The following IQSEC1 variants were observed in gnomAD, a reference collection of about 807,000 sequenced individuals.
IQSEC1 encodes IQ motif and SEC7 domain-containing protein 1.
In IQSEC1, 31 loss-of-function variants were observed where a neutral mutation model predicts 91.0. The ratio of observed to expected loss-of-function variants is 0.34; its 90% confidence interval spans 0.26 to 0.46. The LOEUF (loss-of-function observed/expected upper bound fraction) is 0.46. Ranked by LOEUF, IQSEC1 falls within the 20% of genes least tolerant of loss-of-function variation. The probability of loss-of-function intolerance (pLI) is 1.00; values close to 1 mark genes in which losing one functional copy is unlikely to be tolerated. For synonymous variants in IQSEC1, 699 were observed against 662.6 expected, an observed-to-expected ratio of 1.05 and a Z score of -0.84; for missense variants, 1,388 against 1,575.6, an observed-to-expected ratio of 0.88 and a Z score of 2.02.
At chr3:13,230,250 C>G (rs555630936) in intron 1 of IQSEC1, among the ~76,000 whole-genome samples, 2 of 152,118 alleles carry the variant, frequency 1.3e-5, no homozygotes, top group Non-Finnish European at 2.9e-5. Context: ...GATTAAGAAA[C>G]ATAAATAAGT....
rs1576286254 is a variant in IQSEC1 at position 13,183,378 on chromosome 3, C to T, written c.273-19245G>A. Among the ~76,000 whole-genome samples the T allele has an allele frequency of 2.0e-5, 3 of 146,936 alleles. No individual in the cohort carries two copies. The East Asian group carries it at 5.9e-4, about 29-fold the overall frequency. Reference sequence around the variant, plus strand: ...GGCCAAGAGTTTGAGACCAGCCTGGCAAAATGGTGAAACCCTATCTCCATT... The same window carrying T: ...GGCCAAGAGTTTGAGACCAGCCTGGTAAAATGGTGAAACCCTATCTCCATT... On this transcript the variant is annotated intron_variant, in intron 1 of 15. Coordinates refer to the IQSEC1 transcript ENST00000648114.
intron 1 of IQSEC1, among the ~76,000 whole-genome samples, chr3:13,263,401 A>G (rs901470243): frequency 1.0e-4 from 13 of 124,194 alleles, no homozygotes; most frequent in Admixed American, 1.8e-4. Context: ...CTTTGGGGGG[A>G]AAAAAGTACC....
intron 1 of IQSEC1, among the ~76,000 whole-genome samples, chr3:13,201,177 C>G (rs1559276350): frequency 6.6e-6 from 1 of 152,174 alleles, no homozygotes; most frequent in Non-Finnish European, 1.5e-5. Context: ...TCGGCTCCCT[C>G]AAGGCCACAT....
chr3:13,111,929 A>G (rs1050448034), intron 2 of IQSEC1, among the ~76,000 whole-genome samples: 3 of 152,160 alleles, frequency 2.0e-5, no homozygotes, highest in Non-Finnish European at 4.4e-5. Context: ...CCAGCAGACT[A>G]ATACACTGGG....
chr3:13,247,121 G>C (rs1057078791), intron 1 of IQSEC1, among the ~76,000 whole-genome samples: 1 of 152,116 alleles, frequency 6.6e-6, no homozygotes, highest in Non-Finnish European at 1.5e-5. Context: ...GTCTGATACC[G>C]GACTTGCCTA....
At chr3:13,276,053 T>C (rs982502604) in intron 1 of IQSEC1, among the ~76,000 whole-genome samples, 19 of 149,414 alleles carry the variant, frequency 1.3e-4, no homozygotes, top group African/African-American at 4.7e-4. Context: ...AATAAAACAT[T>C]GAGGGAAAAC....
intron 2 of IQSEC1, among the ~76,000 whole-genome samples, chr3:13,152,001 A>G: frequency 6.6e-6 from 1 of 152,222 alleles, no homozygotes; most frequent in South Asian, 2.1e-4. Context: ...AAACAAAAAC[A>G]AAAAAAGAGA....
Position 12,899,360 on chromosome 3 carries a change from C to T in IQSEC1, c.*1623G>A, listed in dbSNP as rs201566832. On this transcript the variant is annotated 3_prime_UTR_variant, in exon 14 of 14. Transcript: ENST00000613206. ...CTGAAAGGGCCTCCGCCTGGGCAGGCGCCGGGGGGCAGTCCTCGGGTCCCA... is the reference window on the plus strand; with the variant it reads ...CTGAAAGGGCCTCCGCCTGGGCAGGTGCCGGGGGGCAGTCCTCGGGTCCCA... 42 of 1,610,232 alleles carry T rather than the reference C, an allele frequency of 2.6e-5. No homozygotes were observed. Among genetic ancestry groups the T allele is most frequent in the East Asian group, 1.1e-4 (5 of 44,830 alleles).
intron 3 of IQSEC1, among the ~76,000 whole-genome samples, chr3:12,929,568 G>T: frequency 6.6e-6 from 1 of 152,282 alleles, no homozygotes; most frequent in Middle Eastern, 3.4e-3. Context: ...TATAATCCAC[G>T]CTTCTGCCCC....
intron 1 of IQSEC1, among the ~76,000 whole-genome samples, chr3:13,181,391 G>C (rs944288542): frequency 1.3e-5 from 2 of 152,252 alleles, no homozygotes; most frequent in Non-Finnish European, 2.9e-5. Flanking sequence ...TGATGGAATA[G>C]AGAGAAAATC....
intron 1 of IQSEC1, among the ~76,000 whole-genome samples, chr3:13,035,283 G>A (rs565543872): frequency 1.8e-4 from 28 of 152,294 alleles, no homozygotes; most frequent in African/African-American, 6.3e-4. Flanking sequence ...GGCCTGTGGC[G>A]ATTTCTGTTG....
At chr3:13,180,279 A>G (rs894567355) in intron 1 of IQSEC1, among the ~76,000 whole-genome samples, 12 of 151,068 alleles carry the variant, frequency 7.9e-5, no homozygotes, top group Non-Finnish European at 1.5e-5. Context: ...AAACACACCA[A>G]TCAGCACCCT....
In IQSEC1 at chr3:12,920,483, T is replaced by C. The variant is rs376832198; in HGVS notation, c.1967A>G (p.Asn656Ser). 21 of 1,614,042 alleles carry C rather than the reference T, an allele frequency of 1.3e-5. No homozygotes were observed. Among genetic ancestry groups the C allele is most frequent in the East Asian group, 4.5e-5 (2 of 44,898 alleles). ...ILLNTDMYSP[N>S]VKPERKMKLE... is the part of the protein sequence containing the mutation. Reference sequence around the variant, plus strand: ...CTTCATTTTCCGCTCGGGCTTGACATTGGGGCTGTACATGTCGGTGTTCAG... The same window carrying C: ...CTTCATTTTCCGCTCGGGCTTGACACTGGGGCTGTACATGTCGGTGTTCAG... The change falls in exon 6 of 14, where the codon AAT becomes AGT. Residue 656 changes from asparagine to serine, a missense_variant. This residue lies in a region of IQSEC1 where 1,059 missense variants were observed against 1,317.8 expected (regional missense o/e 0.80). Coordinates refer to ENST00000613206, the MANE Select transcript of IQSEC1 (RefSeq NM_001134382.3).
chr3:13,145,648 C>T (rs1434354602), intron 2 of IQSEC1, among the ~76,000 whole-genome samples: 3 of 152,118 alleles, frequency 2.0e-5, no homozygotes, highest in East Asian at 1.9e-4. Flanking sequence ...GAAGGCGGAG[C>T]GGGGTGGGCA....
Position 12,915,714 on chromosome 3 carries a change from G to A in IQSEC1, c.2040C>T (p.Asp680=), listed in dbSNP as rs753745986. The change falls in exon 7 of 14, where the codon GAC becomes GAT. Residue 680 remains aspartate, a synonymous_variant. Coordinates refer to ENST00000613206, the MANE Select transcript of IQSEC1 (RefSeq NM_001134382.3). ...TCCCCATCAGCATCTCACGGGGAAT[G>A]TCCTCACCATCGTCCACACCTGGGT... ...KNLRGVDDGE[D]IPREMLMGIY... 6.2e-5 allele frequency: 100 copies of A among 1,614,024 alleles called. No individual in the cohort carries two copies. In the South Asian group the frequency reaches 1.0e-3, roughly 16 times the overall value.
At chr3:13,009,236 G>A (rs1200608667) in intron 1 of IQSEC1, among the ~76,000 whole-genome samples, 4 of 152,224 alleles carry the variant, frequency 2.6e-5, no homozygotes, top group Non-Finnish European at 5.9e-5. Flanking sequence ...AGGTCACACA[G>A]TGCGGTGACA....
intron 1 of IQSEC1, among the ~76,000 whole-genome samples, chr3:13,029,527 C>T (rs1319666166): frequency 1.3e-5 from 2 of 152,224 alleles, no homozygotes; most frequent in African/African-American, 4.8e-5. Context: ...CTATTCACTA[C>T]CCCCTTCCTT....
intron 1 of IQSEC1, among the ~76,000 whole-genome samples, chr3:13,054,384 C>T (rs971492175): frequency 2.6e-5 from 4 of 152,202 alleles, no homozygotes; most frequent in East Asian, 1.9e-4. Flanking sequence ...GGGGCAGAAG[C>T]GAGGGCAAGG....
chr3:13,227,530 G>A (rs982457134), intron 1 of IQSEC1, among the ~76,000 whole-genome samples: 2 of 152,138 alleles, frequency 1.3e-5, no homozygotes, highest in African/African-American at 2.4e-5. Context: ...GTGACACATC[G>A]TGCAGGGGCT....
Sources: allele counts gnomAD v4.1 joint callset (sites outside exome capture counted in the v4.1 genomes callset), GRCh38; gene constraint gnomAD v4.1.1; regional missense constraint gnomAD v4.1.1; transcripts MANE v1.5; gene names NCBI Gene and HGNC (gene_info 2026-07-23, HGNC 2026-07-21).